The following KCNIP4 variants were observed in gnomAD, a reference collection of about 807,000 sequenced individuals.
The protein encoded by KCNIP4 is Kv channel-interacting protein 4.
KCNIP4 carries 12 observed loss-of-function variants against 34.0 expected under a neutral mutation model. The observed-to-expected ratio is 0.35, with a 90% CI of 0.23 to 0.57. The LOEUF (loss-of-function observed/expected upper bound fraction) is 0.57. Among genes scored for constraint, KCNIP4 ranks in the 20% least tolerant of loss-of-function variants. The probability of loss-of-function intolerance (pLI) is 0.83; values close to 1 mark genes in which losing one functional copy is unlikely to be tolerated. For synonymous variants in KCNIP4, 124 were observed against 102.2 expected (o/e 1.21, Z -1.29); for missense variants, 238 against 311.7 (o/e 0.76, Z 1.78).
At chr4:21,568,735 G>C (rs1824472) in intron 1 of KCNIP4, among the ~76,000 whole-genome samples, 67,542 of 151,904 alleles carry the variant, frequency 0.44, 15,078 homozygotes, top group East Asian at 0.57. Flanking sequence ...ACTGCACTAT[G>C]GGCTTCCCAA....
rs1165663297 is a variant in KCNIP4, at chr4:21,761,567, T to C, written c.61+187004A>G. On this transcript the variant is annotated intron_variant, in intron 1 of 8. Transcript: ENST00000382152. ...CTAAATTTAAAACATACAATTCTTA[T>C]GTTCACATAAAAATAATTAAAATGC... Among the ~76,000 whole-genome samples the C allele has an allele frequency of 3.9e-5, 6 of 151,962 alleles. No homozygotes were observed. The East Asian group carries it at 1.2e-3, about 29-fold the overall frequency.
At chr4:21,785,009 C>T (rs533564711) in intron 1 of KCNIP4, among the ~76,000 whole-genome samples, 3 of 152,114 alleles carry the variant, frequency 2.0e-5, no homozygotes, top group Non-Finnish European at 4.4e-5. Flanking sequence ...TACTGGCTGT[C>T]CCCACTCTCA....
At chr4:21,147,981 T>G (rs1752505070) in intron 1 of KCNIP4, among the ~76,000 whole-genome samples, 1 of 127,154 alleles carries the variant, frequency 7.9e-6, no homozygotes, top group Non-Finnish European at 1.7e-5. Flanking sequence ...TCAAGTACTT[T>G]GGGAATAATA....
At chr4:20,988,108 T>A (rs1736759371) in intron 1 of KCNIP4, among the ~76,000 whole-genome samples, 1 of 151,658 alleles carries the variant, frequency 6.6e-6, no homozygotes, top group Admixed American at 6.6e-5. Flanking sequence ...CAAAGGTTAA[T>A]CCACTTGCCT....
intron 6 of KCNIP4, among the ~76,000 whole-genome samples, chr4:20,733,288 C>T (rs1000057601): frequency 2.0e-5 from 3 of 152,100 alleles, no homozygotes; most frequent in African/African-American, 4.8e-5. Context: ...ACTTAAGTCA[C>T]ATGTGAAGAC....
At chr4:21,722,589 G>A (rs530420009) in intron 1 of KCNIP4, among the ~76,000 whole-genome samples, 2 of 152,170 alleles carry the variant, frequency 1.3e-5, no homozygotes, top group African/African-American at 2.4e-5. Flanking sequence ...AATTCAACAC[G>A]TCATTTGGGC....
chr4:21,298,623 C>T (rs1329198630), intron 1 of KCNIP4, among the ~76,000 whole-genome samples: 5 of 152,056 alleles, frequency 3.3e-5, no homozygotes, highest in Admixed American at 6.6e-5. Context: ...ACATTTCTGT[C>T]TATTTTCTTT....
chr4:21,845,571 C>CTTTTCTTGCTTT (rs1723964816), intron 1 of KCNIP4: 1 of 151,954 alleles, frequency 6.6e-6, no homozygotes, highest in Non-Finnish European at 1.5e-5. Context: ...TGTTTACCTA[C>CTTTTCTTGCTTT]TTTTCTTGCT....
At chr4:21,925,967 T>C (rs1469949179) in intron 1 of KCNIP4, among the ~76,000 whole-genome samples, 1 of 152,170 alleles carries the variant, frequency 6.6e-6, no homozygotes, top group Non-Finnish European at 1.5e-5. Context: ...AGATCCTCAA[T>C]GTCTTAATCT....
chr4:20,939,850 T>G (rs1349799908), intron 1 of KCNIP4, among the ~76,000 whole-genome samples: 2 of 152,208 alleles, frequency 1.3e-5, no homozygotes, highest in African/African-American at 2.4e-5. Flanking sequence ...TAGAATCTGA[T>G]GTTTTCCACT....
At chr4:21,104,201 G>C (rs976085607) in intron 1 of KCNIP4, among the ~76,000 whole-genome samples, 7 of 151,608 alleles carry the variant, frequency 4.6e-5, no homozygotes, top group African/African-American at 1.7e-4. Flanking sequence ...CTAGTTTACA[G>C]TCCCACCAAC....
chr4:21,740,765 G>C (rs896322892), intron 1 of KCNIP4, among the ~76,000 whole-genome samples: 5 of 152,104 alleles, frequency 3.3e-5, no homozygotes, highest in Admixed American at 6.6e-5. Context: ...TGGAGAATCT[G>C]GGACTTAGCA....
intron 1 of KCNIP4, among the ~76,000 whole-genome samples, chr4:21,682,168 C>A (rs1418968809): frequency 6.6e-6 from 1 of 152,174 alleles, no homozygotes; most frequent in African/African-American, 2.4e-5. Flanking sequence ...GCTGAGATTA[C>A]CTGCGTGAGC....
At chr4:20,798,458 A>G (rs1713771052) in intron 3 of KCNIP4, among the ~76,000 whole-genome samples, 1 of 152,106 alleles carries the variant, frequency 6.6e-6, no homozygotes, top group African/African-American at 2.4e-5. Flanking sequence ...TGACATCAAC[A>G]AGATGGCTAT....
At chr4:21,496,942 C>T (rs1480043229) in intron 1 of KCNIP4, among the ~76,000 whole-genome samples, 1 of 152,150 alleles carries the variant, frequency 6.6e-6, no homozygotes, top group African/African-American at 2.4e-5. Context: ...GTCCCTAGTG[C>T]CAAAAAAGTT....
At chr4:21,481,941 G>A (rs1051351002) in intron 1 of KCNIP4, among the ~76,000 whole-genome samples, 1 of 152,168 alleles carries the variant, frequency 6.6e-6, no homozygotes, top group Non-Finnish European at 1.5e-5. Context: ...TTGTGTGGGA[G>A]TCTAAGTCTC....
intron 1 of KCNIP4, among the ~76,000 whole-genome samples, chr4:21,313,761 C>T (rs944306413): frequency 6.6e-6 from 1 of 152,134 alleles, no homozygotes; most frequent in Admixed American, 6.6e-5. Context: ...CAGACTAAAA[C>T]TCTCTTGAAG....
chr4:20,956,505 A>C (rs951933497), intron 1 of KCNIP4, among the ~76,000 whole-genome samples: 6 of 14,702 alleles, frequency 4.1e-4, no homozygotes, highest in Non-Finnish European at 6.2e-4. Context: ...ACTTCCTTCC[A>C]AAAAAAAAAA....
chr4:21,056,489 CTGT>C (rs1291319740), intron 1 of KCNIP4, among the ~76,000 whole-genome samples: 2 of 152,114 alleles, frequency 1.3e-5, no homozygotes, highest in South Asian at 2.1e-4. Context: ...TCTGATGTTG[CTGT>C]TGTTATTTTC....
Sources: gnomAD v4.1 joint callset for allele counts (sites outside exome capture counted in the v4.1 genomes callset) on GRCh38, gnomAD v4.1.1 for gene constraint, MANE v1.5 for transcripts, NCBI Gene and HGNC (gene_info 2026-07-23, HGNC 2026-07-21) for gene names.